Variants in DHX8 observed in about 807,000 individuals in gnomAD.
DHX8 encodes DEAH-box helicase 8.
DHX8 carries 67 observed loss-of-function variants against 140.7 expected under a neutral mutation model. The observed-to-expected ratio is 0.48, with a 90% CI of 0.39 to 0.58. The LOEUF (loss-of-function observed/expected upper bound fraction) is 0.58, where lower values mean the gene tolerates loss of function less well. DHX8 is among the 20% of genes least tolerant of loss of function. DHX8 has a pLI of 0.00. For synonymous variants in DHX8, 533 were observed against 553.2 expected, an observed-to-expected ratio of 0.96 and a Z score of 0.51; for missense variants, 887 against 1,550.7, an observed-to-expected ratio of 0.57 and a Z score of 7.19.
chr17:43,518,015 CAG>C (rs1180133667), intron 18 of DHX8: 1 of 152,182 alleles, frequency 6.6e-6, no homozygotes, highest in Non-Finnish European at 1.5e-5. Flanking sequence ...GAAGTGCCAA[CAG>C]AGAGGCATCT....
At chr17:43,526,998 A>G (rs538163958), downstream of DHX8, among the ~76,000 whole-genome samples, 10 of 152,218 alleles carry the variant, frequency 6.6e-5, no homozygotes, top group East Asian at 3.9e-4. Context: ...TGCAGTTTCT[A>G]TTTAACAGGA....
rs571276976 is a variant in DHX8, at chr17:43,513,327, G to C, written c.2503-35G>C. 5.2e-5 allele frequency: 83 copies of C among 1,606,248 alleles called. 1 individual carries two copies. In the South Asian group the frequency reaches 8.3e-4, roughly 16 times the overall value. On this transcript the variant is annotated intron_variant, in intron 16 of 22. Coordinates refer to ENST00000262415, the MANE Select transcript of DHX8 (RefSeq NM_004941.3). Reference sequence around the variant, plus strand: ...TTTCACACCTCAGGGCTGAGCCTGGGCACCTCACTCCAGCTTTGCCCCTCT... The same window carrying C: ...TTTCACACCTCAGGGCTGAGCCTGGCCACCTCACTCCAGCTTTGCCCCTCT...
chr17:43,526,031 A>C, downstream of DHX8: 1 of 985,348 alleles, frequency 1.0e-6, no homozygotes, highest in Non-Finnish European at 1.2e-6. Context: ...TCTACGCTAG[A>C]GCTGAGGTCA....
At chr17:43,536,297 T>A (rs754937968) in intron 2 of DHX8, 4 of 806,320 alleles carry the variant, frequency 5.0e-6, no homozygotes, top group Non-Finnish European at 8.3e-6. Flanking sequence ...GTTATTGCCT[T>A]GGTCTTTAAG....
intron 9 of DHX8, among the ~76,000 whole-genome samples, chr17:43,498,020 A>G (rs555803043): frequency 1.0e-3 from 154 of 152,332 alleles, no homozygotes; most frequent in African/African-American, 3.4e-3. Flanking sequence ...ACTTCTTTTC[A>G]AAGTAGGTCT....
downstream of DHX8, chr17:43,529,804 A>G (rs1212954713): frequency 1.2e-6 from 2 of 1,601,326 alleles, no homozygotes; most frequent in African/African-American, 2.7e-5. Context: ...CCCTCTTGCA[A>G]CAATGAAACG....
At position 43,532,776 on chromosome 17, in the gene DHX8, C is replaced by T. The variant is rs990736648; in HGVS notation, c.351-3636C>T. ...CCCTGGTCCACGGCTGGCTGGCCCG[C>T]CTGTTCATACAGGGGATCATGGTAT... is the stretch of plus-strand genomic sequence containing the variant. On this transcript the variant is annotated intron_variant, in intron 2 of 3. Transcript: ENST00000589898. 3.7e-6 allele frequency: 6 copies of T among 1,613,880 alleles called. No individual in the cohort carries two copies. In the African/African-American group the frequency reaches 8.0e-5, roughly 22 times the overall value.
downstream of DHX8, chr17:43,529,677 C>CT: frequency 1.2e-6 from 2 of 1,605,724 alleles, no homozygotes; most frequent in Non-Finnish European, 1.7e-6. Context: ...TTGATGTCTC[C>CT]TGGGGAACAC....
rs202079779 is a variant in DHX8, at chr17:43,491,189, A to C, written c.332A>C (p.Glu111Ala). ...GATCCAGTTGTTAAACCTAAAACAGAAAAAGAAAAGCTGAAGGAACTCTTC... is the reference window on the plus strand; with the variant it reads ...GATCCAGTTGTTAAACCTAAAACAGCAAAAGAAAAGCTGAAGGAACTCTTC... ...SKDPVVKPKTEKEKLKELFPV... is the reference protein window; with the variant it reads ...SKDPVVKPKTAKEKLKELFPV... Residue 111 changes from glutamate to alanine, a missense_variant, in exon 4 of 23, where the codon GAA becomes GCA. Around this residue, in one of 9 missense-constraint regions of DHX8, gnomAD observed 304 missense variants for 306.9 expected, o/e 0.99. Transcript: ENST00000262415. 69 of 1,541,558 alleles carry C rather than the reference A, an allele frequency of 4.5e-5. 1 individual carries two copies. In the East Asian group the frequency reaches 1.4e-3, roughly 32 times the overall value.
At position 43,522,086 on chromosome 17, in the gene DHX8, C is replaced by A; in HGVS notation, c.3303C>A (p.Val1101=). ...TTGTTTCCTGTGGCAAGTCCACAGT[C>A]CGAGTGCAGAAGGCCATCTGCAGTG... The part of the protein sequence containing the change: ...LDVVSCGKST[V]RVQKAICSGF... The change falls in exon 22 of 23, where the codon GTC becomes GTA. Residue 1101 remains valine, a synonymous_variant. Coordinates refer to ENST00000262415, the MANE Select transcript of DHX8 (RefSeq NM_004941.3). 6.2e-7 allele frequency: 1 copy of A among 1,614,082 alleles called. No individual in the cohort carries two copies. Among genetic ancestry groups the A allele is most frequent in the Non-Finnish European group, 8.5e-7 (1 of 1,180,006 alleles).
At chr17:43,495,993 G>A (rs868262021) in intron 8 of DHX8, among the ~76,000 whole-genome samples, 188 bp from the exon 9 acceptor site, 10 of 152,090 alleles carry the variant, frequency 6.6e-5, no homozygotes, top group African/African-American at 2.4e-4. Context: ...AGCTATTCAG[G>A]AGGCTGAGGT....
chr17:43,508,422 C>G lies in DHX8; in HGVS notation c.2404C>G (p.Pro802Ala). The change falls in exon 16 of 23, where the codon CCT becomes GCT. Residue 802 changes from proline to alanine, a missense_variant. This residue lies in a region of DHX8 where 151 missense variants were observed against 388.3 expected (regional missense o/e 0.39). Coordinates refer to ENST00000262415, the MANE Select transcript of DHX8 (RefSeq NM_004941.3). ...ILYERMKSLG[P>A]DVPELIILPV... The stretch of plus-strand genomic sequence containing the variant: ...GTATGAAAGAATGAAATCCCTGGGA[C>G]CTGATGTTCCAGAGTTAATTATCCT... 1 of 1,613,814 alleles carries G rather than the reference C, an allele frequency of 6.2e-7. No individual in the cohort carries two copies. Among genetic ancestry groups the G allele is most frequent in the Non-Finnish European group, 8.5e-7 (1 of 1,179,860 alleles).
chr17:43,524,265 G>T lies in DHX8; in HGVS notation c.*418G>T. On this transcript the variant is annotated 3_prime_UTR_variant, in exon 23 of 23. Transcript: ENST00000262415. ...TGCCCCACTTCCCACCCCGTCTCCA[G>T]CCCCTGTACTTTGGCTTGACCTCGT... The T allele has an allele frequency of 9.8e-7, 1 of 1,019,722 alleles. No individual in the cohort carries two copies. The highest frequency in any genetic ancestry group is 5.3e-5 in the Admixed American group (1 of 19,030). The allele number at this position is 1,019,722 out of a possible 1,614,324, so 63.2% of individuals were successfully genotyped here.
At chr17:43,516,949 T>C (rs1348781842) in intron 17 of DHX8, among the ~76,000 whole-genome samples, 1 of 152,198 alleles carries the variant, frequency 6.6e-6, no homozygotes, top group African/African-American at 2.4e-5. Context: ...TTAACCCTGC[T>C]TGTATTGCCT....
intron 3 of DHX8, among the ~76,000 whole-genome samples, chr17:43,541,247 A>G (rs887341455): frequency 2.5e-4 from 38 of 152,220 alleles, no homozygotes; most frequent in African/African-American, 7.5e-4. Flanking sequence ...TCAACAGGAT[A>G]GAAACAGGAA....
chr17:43,513,987 ACAGGTGTGAGCCAC>A (rs1171797750), intron 17 of DHX8, among the ~76,000 whole-genome samples: 2 of 150,282 alleles, frequency 1.3e-5, no homozygotes, highest in Middle Eastern at 3.4e-3. Flanking sequence ...TGCTGGGATT[ACAGGTGTGAGCCAC>A]CACGCCCGGC....
At chr17:43,493,173 AT>A in intron 6 of DHX8, 133 bp downstream of exon 6, 2 of 1,302,918 alleles carry the variant, frequency 1.5e-6, no homozygotes, top group South Asian at 2.9e-5. Context: ...GTTCTTAGAA[AT>A]TGACTCTTTT....
Position 43,508,381 on chromosome 17 carries a change from CT to C in DHX8, c.2364del (p.Ala789LeufsTer9). On this transcript the variant is annotated frameshift_variant, in exon 16 of 23. Transcript: ENST00000262415. LOFTEE classifies it high-confidence loss of function. The stretch of plus-strand genomic sequence containing the variant: ...CTGACTGGTCAGGAAGAAATTGATA[CT>C]GCTTGTGAGATCCTGTATGAAAGAA... ...VFLTGQEEIDTACEILYERMK... is the reference protein window; with the variant it reads ...VFLTGQEEIDXACEILYERMK... 1 of 1,611,626 alleles carries C rather than the reference CT, an allele frequency of 6.2e-7. No individual in the cohort carries two copies. Among genetic ancestry groups the C allele is most frequent in the Non-Finnish European group, 8.5e-7 (1 of 1,177,834 alleles).
chr17:43,537,522 C>T (rs1163209462), intron 3 of DHX8, among the ~76,000 whole-genome samples: 1 of 144,184 alleles, frequency 6.9e-6, no homozygotes, highest in African/African-American at 2.6e-5. Flanking sequence ...AGTGAAACTC[C>T]CATCTCTACT....
Sources: allele counts gnomAD v4.1 joint callset (sites outside exome capture counted in the v4.1 genomes callset), GRCh38; gene constraint gnomAD v4.1.1; regional missense constraint gnomAD v4.1.1; transcripts MANE v1.5; gene names NCBI Gene and HGNC (gene_info 2026-07-23, HGNC 2026-07-21).